Variants in TNN observed in about 807,000 individuals in gnomAD.
TNN encodes the protein tenascin-N.
In TNN, 122 loss-of-function variants were observed where a neutral mutation model predicts 134.4. The ratio of observed to expected loss-of-function variants is 0.91; its 90% CI spans 0.78 to 1.06. The LOEUF (loss-of-function observed/expected upper bound fraction) is 1.06, where lower values mean the gene tolerates loss of function less well. Among genes scored for constraint, TNN ranks in the 50% least tolerant of loss-of-function variants. The probability of loss-of-function intolerance (pLI) is 0.00; values close to 1 mark genes in which losing one functional copy is unlikely to be tolerated. For synonymous variants in TNN, 710 were observed against 670.3 expected, an observed-to-expected ratio of 1.06 and a Z score of -0.91; for missense variants, 1,739 against 1,699.4, an observed-to-expected ratio of 1.02 and a Z score of -0.41.
At chr1:175,142,275 C>T (rs975726934) in intron 17 of TNN, among the ~76,000 whole-genome samples, 8 of 152,168 alleles carry the variant, frequency 5.3e-5, no homozygotes, top group South Asian at 2.1e-4. Flanking sequence ...GAGGCATAAA[C>T]GAGCTGCTGG....
At chr1:175,136,724 A>C in intron 16 of TNN, 97 bp from the exon 17 acceptor site, 1 of 1,168,252 alleles carries the variant, frequency 8.6e-7, no homozygotes, top group Non-Finnish European at 1.2e-6. Context: ...TAAAGACTAA[A>C]GTGACTTTAG....
At position 175,079,640 on chromosome 1, in the gene TNN, C is replaced by T; in HGVS notation, c.717C>T (p.Gly239=). The change falls in exon 3 of 19, where the codon GGC becomes GGT. Residue 239 remains glycine, a synonymous_variant. Coordinates refer to ENST00000239462, the MANE Select transcript of TNN (RefSeq NM_022093.2). ...AGCGCTGTCCCGGCGACTGCAGCGG[C>T]CACGGCTTCTGTGACACGGGCGAGT... ...SEKRCPGDCS[G]HGFCDTGECY... 1 of 1,608,160 alleles carries T rather than the reference C, an allele frequency of 6.2e-7. No homozygotes were observed. Among genetic ancestry groups the T allele is most frequent in the Non-Finnish European group, 8.5e-7 (1 of 1,178,364 alleles).
At chr1:175,119,806 G>T (rs1675301075) in intron 11 of TNN, among the ~76,000 whole-genome samples, 1 of 151,736 alleles carries the variant, frequency 6.6e-6, no homozygotes, top group East Asian at 1.9e-4. Flanking sequence ...GGCTAATTTT[G>T]TTTTTGTATT....
chr1:175,076,051 G>C (rs919070331), intron 1 of TNN, among the ~76,000 whole-genome samples: 2 of 152,216 alleles, frequency 1.3e-5, no homozygotes, highest in African/African-American at 4.8e-5. Flanking sequence ...CAACTGGGAT[G>C]TATCTTGTGA....
At chr1:175,135,212 A>G (rs145042346) in intron 15 of TNN, among the ~76,000 whole-genome samples, 179 of 152,296 alleles carry the variant, frequency 1.2e-3, no homozygotes, top group African/African-American at 4.0e-3. Flanking sequence ...TTTTAACTGC[A>G]TTTAAAAATT....
intron 9 of TNN, among the ~76,000 whole-genome samples, chr1:175,102,288 C>G (rs375957756): frequency 6.8e-6 from 1 of 146,364 alleles, no homozygotes; most frequent in Non-Finnish European, 1.5e-5. Context: ...GCCAGTCCCG[C>G]GCCATGAACT....
At chr1:175,125,538 C>T (rs1431137306) in intron 12 of TNN, among the ~76,000 whole-genome samples, 1 of 151,726 alleles carries the variant, frequency 6.6e-6, no homozygotes, top group Non-Finnish European at 1.5e-5. Context: ...TCCCTCTTCC[C>T]TCCCCCACCT....
intron 9 of TNN, among the ~76,000 whole-genome samples, chr1:175,102,467 G>C (rs1161437053): frequency 6.9e-6 from 1 of 145,850 alleles, no homozygotes; most frequent in Non-Finnish European, 1.5e-5. Context: ...GCTAAGGCTC[G>C]GCGAGAAATC....
chr1:175,130,954 G>A (rs1675661634), intron 15 of TNN, among the ~76,000 whole-genome samples: 2 of 151,924 alleles, frequency 1.3e-5, no homozygotes, highest in African/African-American at 4.8e-5. Context: ...AGGTTCTGCA[G>A]GGTTTTACTT....
rs540376333 is a variant in TNN, at chr1:175,079,814, G to A, written c.784+107G>A. The stretch of plus-strand genomic sequence containing the variant: ...TTGGGGGTCTCTTCCTTTAGCCTAC[G>A]CCAGATTGCTGAGTCCCAACCCCAG... On this transcript the variant is annotated intron_variant, in intron 3 of 18. Coordinates refer to ENST00000239462, the MANE Select transcript of TNN (RefSeq NM_022093.2). 5 of 1,402,384 alleles carry A rather than the reference G, an allele frequency of 3.6e-6. No homozygotes were observed. The South Asian group carries it at 4.5e-5, about 13-fold the overall frequency. 86.9% of individuals were successfully genotyped at this position (1,402,384 alleles called of 1,614,324 possible).
chr1:175,094,999 C>T (rs1369710704), intron 7 of TNN, among the ~76,000 whole-genome samples: 2 of 152,188 alleles, frequency 1.3e-5, no homozygotes, highest in Non-Finnish European at 2.9e-5. Context: ...AATATGGTTT[C>T]AGAAAATTGA....
chr1:175,137,397 T>TGTGTGTGA (rs10638677), intron 17 of TNN, among the ~76,000 whole-genome samples: 10,551 of 149,352 alleles, frequency 0.071, 626 homozygotes, highest in East Asian at 0.17. Flanking sequence ...TGTGTGATTA[T>TGTGTGTGA]TTGAGCTTTT....
At chr1:175,088,510 T>G (rs893146229) in intron 6 of TNN, among the ~76,000 whole-genome samples, 3 of 152,230 alleles carry the variant, frequency 2.0e-5, no homozygotes, top group African/African-American at 7.2e-5. Context: ...CTATGATTCC[T>G]CACTGACTGA....
In TNN at chr1:175,098,965, C is replaced by T. The variant is rs1157677508; in HGVS notation, c.2119+370C>T. Among the ~76,000 whole-genome samples the T allele has an allele frequency of 7.9e-5, 12 of 152,214 alleles. 1 individual carries two copies. Among genetic ancestry groups the T allele is most frequent in the Non-Finnish European group, 4.4e-5 (3 of 68,038 alleles). On this transcript the variant is annotated intron_variant, in intron 9 of 18. Coordinates refer to ENST00000239462, the MANE Select transcript of TNN (RefSeq NM_022093.2). ...GATCAATCCCTTAAAAAAAATTCCT[C>T]ACCTGTTTAAACCCTTTGCAAGCTT... is the stretch of plus-strand genomic sequence containing the variant.
chr1:175,073,852 C>A lies in TNN; in HGVS notation c.-35-3532C>A, dbSNP rs376092026. Among the ~76,000 whole-genome samples, 51 of 152,270 alleles carry A rather than the reference C, an allele frequency of 3.3e-4. 1 individual carries two copies. The highest frequency in any genetic ancestry group is 1.2e-3 in the African/African-American group (50 of 41,530). ...GATCTTTAGATATTCCCCTTCCCAC[C>A]CACTGGGCATGTCCTGCTGCAGTCG... On this transcript the variant is annotated intron_variant, in intron 1 of 18. Coordinates refer to ENST00000239462, the MANE Select transcript of TNN (RefSeq NM_022093.2).
intron 9 of TNN, among the ~76,000 whole-genome samples, chr1:175,099,602 G>A (rs1022729349): frequency 2.3e-5 from 1 of 44,104 alleles, no homozygotes; most frequent in African/African-American, 1.0e-4. Context: ...AGGAGGAGAG[G>A]TGAGGGGTCA....
chr1:175,112,187 G>T (rs954704837), intron 9 of TNN, among the ~76,000 whole-genome samples: 1 of 151,860 alleles, frequency 6.6e-6, no homozygotes, highest in Admixed American at 6.6e-5. Context: ...CTTGTTTAGG[G>T]TTTTTATCAT....
rs182920259 is a variant in TNN, at chr1:175,077,716, G to A, written c.298G>A (p.Glu100Lys). Reference sequence around the variant, plus strand: ...CCTTCAGACGCCACAGAAGGACTGCGAGTTGGCAGGCAGTGTCCAGGACCT... The same window carrying A: ...CCTTCAGACGCCACAGAAGGACTGCAAGTTGGCAGGCAGTGTCCAGGACCT... Reference protein sequence around the residue: ...IRLQTPQKDCELAGSVQDLLA... With the variant: ...IRLQTPQKDCKLAGSVQDLLA... The change falls in exon 2 of 19, where the codon GAG (glutamate) becomes AAG (lysine). Residue 100 changes from glutamate (E) to lysine (K), a missense_variant. Transcript: ENST00000239462. 8.7e-6 allele frequency: 14 copies of A among 1,614,210 alleles called. No homozygotes were observed. Among genetic ancestry groups the A allele is most frequent in the African/African-American group, 5.3e-5 (4 of 75,048 alleles).
chr1:175,128,464 G>C, intron 14 of TNN, 131 bp from the exon 15 acceptor site: 1 of 1,171,208 alleles, frequency 8.5e-7, no homozygotes, highest in South Asian at 1.6e-5. Flanking sequence ...TGAGTGAAGA[G>C]TTGGAAGAAG....
Sources: gnomAD v4.1 joint callset for allele counts (sites outside exome capture counted in the v4.1 genomes callset) on GRCh38, gnomAD v4.1.1 for gene constraint, MANE v1.5 for transcripts, NCBI Gene and HGNC (gene_info 2026-07-23, HGNC 2026-07-21) for gene names.